NUMB: variants seen among roughly 807,000 people sequenced by gnomAD.
NUMB encodes NUMB endocytic adaptor protein, also known as protein numb homolog.
In NUMB, 29 loss-of-function variants were observed where a neutral mutation model predicts 59.7. That is an observed-to-expected ratio of 0.49 (90% CI 0.36 to 0.66). The LOEUF (loss-of-function observed/expected upper bound fraction) is 0.66, where lower values mean the gene tolerates loss of function less well. Among genes scored for constraint, NUMB ranks in the 30% least tolerant of loss-of-function variants. The probability of loss-of-function intolerance (pLI) is 0.00; values close to 1 mark genes in which losing one functional copy is unlikely to be tolerated. For synonymous variants in NUMB, 288 were observed against 288.2 expected, an observed-to-expected ratio of 1.00 and a Z score of 0.01; for missense variants, 723 against 822.0, an observed-to-expected ratio of 0.88 and a Z score of 1.47.
rs185695559 is a variant in NUMB, at chr14:73,304,497, G to A, written c.235-7212C>T. Among the ~76,000 whole-genome samples, 619 of 152,054 alleles carry A rather than the reference G, an allele frequency of 4.1e-3. 9 individuals are homozygous for A. Among genetic ancestry groups the A allele is most frequent in the Admixed American group, 0.03 (454 of 15,244 alleles). ...CTGGCTACTTTTTTATTTTTATAGA[G>A]ATGGTCTTGCTATGTTGCCCAGGCT... On this transcript the variant is annotated intron_variant, in intron 6 of 12. Transcript: ENST00000555238.
At chr14:73,346,855 C>T (rs1892946978) in intron 4 of NUMB, among the ~76,000 whole-genome samples, 1 of 152,180 alleles carries the variant, frequency 6.6e-6, no homozygotes, top group Non-Finnish European at 1.5e-5. Context: ...ACCTTTGCTC[C>T]TGTTAAAATA....
At chr14:73,349,852 C>A (rs1187789326) in intron 4 of NUMB, among the ~76,000 whole-genome samples, 1 of 150,714 alleles carries the variant, frequency 6.6e-6, no homozygotes, top group African/African-American at 2.4e-5. Flanking sequence ...GCACTCCAGC[C>A]TGGGGGACAG....
At chr14:73,343,875 A>G (rs1329826490) in intron 4 of NUMB, among the ~76,000 whole-genome samples, 1 of 152,194 alleles carries the variant, frequency 6.6e-6, no homozygotes, top group African/African-American at 2.4e-5. Context: ...TAGGAAACAG[A>G]TAAAGCATCA....
At chr14:73,364,751 C>G (rs536603770) in intron 3 of NUMB, among the ~76,000 whole-genome samples, 2 of 152,156 alleles carry the variant, frequency 1.3e-5, no homozygotes, top group South Asian at 4.1e-4. Flanking sequence ...ACTTCAGCCT[C>G]CTGAATAGCT....
chr14:73,446,311 TA>T (rs911223749), intron 1 of NUMB, among the ~76,000 whole-genome samples: 3 of 150,806 alleles, frequency 2.0e-5, no homozygotes, highest in Admixed American at 6.6e-5. Flanking sequence ...AAAATAACTT[TA>T]AAAAAAAATC....
rs1491569489 is a variant in NUMB, at chr14:73,353,073, T to TTTTTC, written c.126+2552_126+2553insGAAAA. 1.8e-4 allele frequency among the ~76,000 whole-genome samples: 8 copies of TTTTTC among 45,710 alleles called. 1 individual carries two copies. The highest frequency in any genetic ancestry group is 5.9e-4 in the African/African-American group (3 of 5,098). The allele number at this position is 45,710 out of a possible 152,430, so 30.0% of individuals were successfully genotyped here. ...TTAATGGATGCCACAGTTTTTCTTGTTTTTTTTTTTTTTTTTTTTTTTTTT... is the reference window on the plus strand; with the variant it reads ...TTAATGGATGCCACAGTTTTTCTTGTTTTTCTTTTTTTTTTTTTTTTTTTTTTTTT... On this transcript the variant is annotated intron_variant, in intron 4 of 12. Coordinates refer to ENST00000555238, the MANE Select transcript of NUMB (RefSeq NM_001005743.2).
At position 73,407,950 on chromosome 14, in the gene NUMB, G is replaced by A. The variant is rs192999957; in HGVS notation, c.-101+1987C>T. Among the ~76,000 whole-genome samples, 52 of 152,300 alleles carry A rather than the reference G, an allele frequency of 3.4e-4. 1 individual carries two copies. The East Asian group carries it at 9.3e-3, about 27-fold the overall frequency. On this transcript the variant is annotated intron_variant, in intron 2 of 12. Transcript: ENST00000555238. ...CTCATCCCACTGAAAAAACTTGGCC[G>A]GGCGTGGTGGCTCATGCCTGTAATC...
intron 2 of NUMB, among the ~76,000 whole-genome samples, chr14:73,374,997 T>G (rs117121937): frequency 0.017 from 2,536 of 152,286 alleles, 44 homozygotes; most frequent in Middle Eastern, 0.031. Context: ...CGTGAGCCAC[T>G]GCGCCTGGCC....
At chr14:73,326,455 C>A (rs532461947) in intron 4 of NUMB, among the ~76,000 whole-genome samples, 3 of 151,910 alleles carry the variant, frequency 2.0e-5, no homozygotes, top group African/African-American at 7.2e-5. Context: ...GGCGAAACCC[C>A]GTCTCTACTA....
rs1889824940 is a variant in NUMB at position 73,297,088 on chromosome 14, A to C, written c.309+123T>G. On this transcript the variant is annotated intron_variant, in intron 7 of 12. Transcript: ENST00000555238. ...AGGCTGAGGCAGGAGAATCGCTTGA[A>C]CCTGGGAGGTGGAGGTTGCGGTGGG... 12 of 602,852 alleles carry C rather than the reference A, an allele frequency of 2.0e-5. No homozygotes were observed. The South Asian group carries it at 2.2e-4, about 11-fold the overall frequency. 37.3% of individuals were successfully genotyped at this position (602,852 alleles called of 1,614,324 possible).
intron 1 of NUMB, among the ~76,000 whole-genome samples, chr14:73,427,977 G>A (rs943769059): frequency 1.3e-5 from 2 of 152,106 alleles, no homozygotes; most frequent in South Asian, 4.1e-4. Flanking sequence ...TTAAAGAAAA[G>A]TGTCTTTATA....
chr14:73,363,258 T>C (rs1053577229), intron 3 of NUMB, among the ~76,000 whole-genome samples: 3 of 151,580 alleles, frequency 2.0e-5, no homozygotes, highest in African/African-American at 4.9e-5. Flanking sequence ...ATCATACCAC[T>C]GCACTCCAGC....
At position 73,276,646 on chromosome 14, in the gene NUMB, G is replaced by A. The variant is rs147475968; in HGVS notation, c.1888C>T (p.Arg630Cys). The change falls in exon 13 of 13, where the codon CGT (arginine) becomes TGT (cysteine). Residue 630 changes from arginine (R) to cysteine (C), a missense_variant. Physicochemically the swap from Arg to Cys is radical, Grantham distance 180. This residue lies in a region of NUMB where 406 missense variants were observed against 385.4 expected (regional missense o/e 1.05). Transcript: ENST00000555238. ...GGGTTGGTAGGGGAGGGATTAGTAC[G>A]CTGCTTGGACTTATTTTCTAATGCA... ...WAALENKSKQ[R>C]TNPSPTNPFS... 6.9e-5 allele frequency: 112 copies of A among 1,614,088 alleles called. No homozygotes were observed. The highest frequency in any genetic ancestry group is 3.1e-4 in the African/African-American group (23 of 74,930).
intron 1 of NUMB, among the ~76,000 whole-genome samples, chr14:73,438,981 CT>C (rs1882825957): frequency 6.6e-6 from 1 of 152,112 alleles, no homozygotes; most frequent in South Asian, 2.1e-4. Flanking sequence ...GAATACGCAA[CT>C]TATCAAATGA....
chr14:73,406,716 TAA>T (rs1896689256), intron 2 of NUMB, among the ~76,000 whole-genome samples: 1 of 152,194 alleles, frequency 6.6e-6, no homozygotes, highest in African/African-American at 2.4e-5. Flanking sequence ...ACCAACAGTG[TAA>T]AAGTGTTCCT....
intron 12 of NUMB, among the ~76,000 whole-genome samples, chr14:73,278,745 T>TTTTTC (rs201063200): frequency 7.5e-5 from 8 of 107,350 alleles, no homozygotes; most frequent in Admixed American, 1.1e-4. Flanking sequence ...TTTTTTTTTT[T>TTTTTC]GAGACAGAGT....
At chr14:73,317,568 C>A (rs1266090117) in intron 5 of NUMB, among the ~76,000 whole-genome samples, 1 of 152,222 alleles carries the variant, frequency 6.6e-6, no homozygotes, top group Non-Finnish European at 1.5e-5. Flanking sequence ...TCCTAAAGTG[C>A]TGGAATTACA....
At chr14:73,440,005 T>C (rs972458981) in intron 1 of NUMB, among the ~76,000 whole-genome samples, 6 of 152,226 alleles carry the variant, frequency 3.9e-5, no homozygotes, top group African/African-American at 1.4e-4. Context: ...GTGGATTCAT[T>C]TATAACCTAT....
chr14:73,399,751 A>G (rs1346630713), intron 2 of NUMB, among the ~76,000 whole-genome samples: 1 of 152,184 alleles, frequency 6.6e-6, no homozygotes, highest in East Asian at 1.9e-4. Context: ...CCTGTCTCTA[A>G]AAAATAAACA....
Sources: allele counts gnomAD v4.1 joint callset (sites outside exome capture counted in the v4.1 genomes callset), GRCh38; gene constraint gnomAD v4.1.1; regional missense constraint gnomAD v4.1.1; transcripts MANE v1.5; gene names NCBI Gene and HGNC (gene_info 2026-07-23, HGNC 2026-07-21).